The following C8orf89 variants were observed in gnomAD, a reference collection of about 807,000 sequenced individuals.
C8orf89 encodes the protein putative uncharacterized protein C8orf89.
Under a neutral mutation model 15.8 loss-of-function variants are expected in C8orf89, and 14 were observed. The observed-to-expected ratio is 0.89, with a 90% CI of 0.59 to 1.39. The LOEUF (loss-of-function observed/expected upper bound fraction) is 1.39. Ranked by LOEUF, C8orf89 falls within the 40% of genes most tolerant of loss-of-function variation. The pLI is 0.00. For synonymous variants in C8orf89, 55 were observed against 62.2 expected (o/e 0.88, Z 0.54); for missense variants, 181 against 184.5 (o/e 0.98, Z 0.11).
At chr8:73,265,080 A>AG in the C8orf89 span, among the ~76,000 whole-genome samples, 1 of 151,944 alleles carries the variant, frequency 6.6e-6, no homozygotes, top group East Asian at 1.9e-4. Context: ...ACACTTCTTG[A>AG]GGAAAAAAAA....
chr8:73,281,815 T>C, the C8orf89 span, among the ~76,000 whole-genome samples: 2 of 152,238 alleles, frequency 1.3e-5, no homozygotes, highest in African/African-American at 4.8e-5. Flanking sequence ...TGCCTCCCTG[T>C]GACTGGAATG....
chr8:73,250,281 C>T lies in C8orf89; in HGVS notation c.324G>A (p.Trp108Ter). The change falls in exon 3 of 4, where the codon TGG (tryptophan) becomes TGA (stop). Residue 108 changes from tryptophan to a stop codon, truncating the protein, a stop_gained. Transcript: ENST00000624510. LOFTEE classifies it high-confidence loss of function. ...TKETCSVAPL[W>*]EKSKGSGFSD... ...GAGTCAGCTTACCTTTTGATTTCTC[C>T]CAAAGTGGTGCCACACTGCATGTCT... 1 of 1,533,302 alleles carries T rather than the reference C, an allele frequency of 6.5e-7. No individual in the cohort carries two copies. The highest frequency in any genetic ancestry group is 8.7e-7 in the Non-Finnish European group (1 of 1,145,014). The allele number at this position is 1,533,302 out of a possible 1,614,324, so 95.0% of individuals were successfully genotyped here.
chr8:73,280,229 G>C, the C8orf89 span, among the ~76,000 whole-genome samples: 1 of 152,080 alleles, frequency 6.6e-6, no homozygotes, highest in Non-Finnish European at 1.5e-5. Context: ...TCCTAGCTTA[G>C]CCACATTTCC....
chr8:73,275,768 A>G, the C8orf89 span, among the ~76,000 whole-genome samples: 1 of 152,136 alleles, frequency 6.6e-6, no homozygotes, highest in Non-Finnish European at 1.5e-5. Flanking sequence ...ATCTCTCCCA[A>G]TATTAGTTTA....
chr8:73,262,949 C>T (rs1813556356), upstream of C8orf89, among the ~76,000 whole-genome samples: 2 of 152,076 alleles, frequency 1.3e-5, no homozygotes, highest in South Asian at 2.1e-4. Context: ...CGGTCTCTAC[C>T]TAATTCTAGT....
chr8:73,285,905 G>C, the C8orf89 span, among the ~76,000 whole-genome samples: 1 of 152,220 alleles, frequency 6.6e-6, no homozygotes, highest in Non-Finnish European at 1.5e-5. Flanking sequence ...GGCCCGGCCC[G>C]GCCGGCGTCT....
chr8:73,276,116 G>A, the C8orf89 span, among the ~76,000 whole-genome samples: 1 of 150,938 alleles, frequency 6.6e-6, no homozygotes, highest in East Asian at 1.9e-4. Context: ...TTTTTTTATG[G>A]TAAATATATT....
chr8:73,285,056 T>A, the C8orf89 span, among the ~76,000 whole-genome samples: 1 of 152,156 alleles, frequency 6.6e-6, no homozygotes, highest in Non-Finnish European at 1.5e-5. Flanking sequence ...AAATTATAGG[T>A]AAATCAGAAA....
At chr8:73,245,170 C>T (rs1813097817) in intron 3 of C8orf89, among the ~76,000 whole-genome samples, 1 of 152,156 alleles carries the variant, frequency 6.6e-6, no homozygotes, top group South Asian at 2.1e-4. Context: ...GCAACCGCCC[C>T]CATGATTCAA....
chr8:73,271,321 G>A, the C8orf89 span, among the ~76,000 whole-genome samples: 3 of 152,188 alleles, frequency 2.0e-5, no homozygotes. Context: ...TTGGGTCATG[G>A]GAGTGGATCT....
the C8orf89 span, among the ~76,000 whole-genome samples, chr8:73,265,111 TAAC>T: frequency 6.6e-6 from 1 of 152,220 alleles, no homozygotes; most frequent in Admixed American, 6.6e-5. Flanking sequence ...AATATCTCAT[TAAC>T]AATTTATATG....
rs537313549 is a variant in C8orf89 at position 73,251,191 on chromosome 8, CT to C, written c.282-869del. 5.6e-4 allele frequency among the ~76,000 whole-genome samples: 85 copies of C among 152,160 alleles called. No homozygotes were observed. The East Asian group carries it at 0.013, about 24-fold the overall frequency. On this transcript the variant is annotated intron_variant, in intron 2 of 3. Transcript: ENST00000624510. ...TTATTATTTATATTACTAGAGTGTG[CT>C]TTGAGAGTCACTAAAATATTTTGCT...
rs774618974 is a variant in C8orf89 at position 73,256,941 on chromosome 8, C to T, written c.281+32G>A. On this transcript the variant is annotated intron_variant, in intron 2 of 3. Transcript: ENST00000624510. ...AGCAGTATTACTACAAATACACATT[C>T]AACAAATGAGAATTAAATAGCAATG... 4.7e-6 allele frequency: 7 copies of T among 1,496,866 alleles called. No individual in the cohort carries two copies. The African/African-American group carries it at 7.0e-5, about 15-fold the overall frequency. 92.7% of individuals were successfully genotyped at this position (1,496,866 alleles called of 1,614,324 possible). A position where few individuals can be genotyped will look rare whatever the true frequency, so the allele number is the denominator to read the frequency against.
the C8orf89 span, among the ~76,000 whole-genome samples, chr8:73,270,530 A>G: frequency 6.6e-6 from 1 of 152,248 alleles, no homozygotes; most frequent in East Asian, 1.9e-4. Flanking sequence ...TATTACTTTT[A>G]TCAAATTATC....
At chr8:73,247,051 T>C (rs1271520972) in intron 3 of C8orf89, among the ~76,000 whole-genome samples, 1 of 151,990 alleles carries the variant, frequency 6.6e-6, no homozygotes, top group Admixed American at 6.5e-5. Flanking sequence ...TTTTTAACTT[T>C]TATTTTAAGT....
the C8orf89 span, among the ~76,000 whole-genome samples, chr8:73,273,656 T>C: frequency 6.6e-6 from 1 of 151,662 alleles, no homozygotes. Context: ...CGGTCCCCAG[T>C]GAAGCCTGAA....
At chr8:73,285,615 T>C in the C8orf89 span, among the ~76,000 whole-genome samples, 1 of 152,218 alleles carries the variant, frequency 6.6e-6, no homozygotes, top group Non-Finnish European at 1.5e-5. Context: ...GCACTCACTG[T>C]GCCCGCAGCT....
upstream of C8orf89, among the ~76,000 whole-genome samples, chr8:73,262,318 A>T (rs539915559): frequency 1.3e-5 from 2 of 152,220 alleles, no homozygotes; most frequent in African/African-American, 4.8e-5. Context: ...TCCAGCGGAC[A>T]TCTGCATTTC....
Position 73,241,422 on chromosome 8 carries a change from GT to G in C8orf89, c.*34del. ...AAAAAAGAAAATATAAAGCTTAAAA[GT>G]CACTGAAGAAAGCATCACACTGTAC... On this transcript the variant is annotated 3_prime_UTR_variant, in exon 4 of 4. Coordinates refer to ENST00000624510, the MANE Select transcript of C8orf89 (RefSeq NM_001243237.3). 7.2e-7 allele frequency: 1 copy of G among 1,387,152 alleles called. No individual in the cohort carries two copies. Among genetic ancestry groups the G allele is most frequent in the Non-Finnish European group, 9.4e-7 (1 of 1,068,238 alleles). The allele number at this position is 1,387,152 out of a possible 1,614,324, so 85.9% of individuals were successfully genotyped here. A position where few individuals can be genotyped will look rare whatever the true frequency, so the allele number is the denominator to read the frequency against.
Sources: gnomAD v4.1 joint callset for allele counts (sites outside exome capture counted in the v4.1 genomes callset) on GRCh38, gnomAD v4.1.1 for gene constraint, MANE v1.5 for transcripts, NCBI Gene and HGNC (gene_info 2026-07-23, HGNC 2026-07-21) for gene names.